The following IPP variants were observed in gnomAD, a reference collection of about 807,000 sequenced individuals.
The protein encoded by IPP is actin-binding protein IPP.
In IPP, 41 loss-of-function variants were observed where a neutral mutation model predicts 64.1. The observed-to-expected ratio is 0.64, with a 90% CI of 0.50 to 0.83. The LOEUF is 0.83. Among genes scored for constraint, IPP ranks in the 40% least tolerant of loss-of-function variants. The probability of loss-of-function intolerance (pLI) is 0.00; values close to 1 mark genes in which losing one functional copy is unlikely to be tolerated. For missense variants in IPP, 649 were observed against 703.0 expected (o/e 0.92, Z 0.87); for synonymous variants, 214 against 235.2 (o/e 0.91, Z 0.83).
At chr1:45,729,209 T>A (rs1645873434) in intron 4 of IPP, among the ~76,000 whole-genome samples, 1 of 151,946 alleles carries the variant, frequency 6.6e-6, no homozygotes, top group Non-Finnish European at 1.5e-5. Context: ...TCATCTTTTA[T>A]AACCACACTT....
At chr1:45,741,975 A>G (rs1646073109) in intron 2 of IPP, among the ~76,000 whole-genome samples, 1 of 152,216 alleles carries the variant, frequency 6.6e-6, no homozygotes, top group South Asian at 2.1e-4. Flanking sequence ...TCACTTGTCC[A>G]CAAGTTGCAT....
At chr1:45,698,522 A>G (rs78268553), downstream of IPP, among the ~76,000 whole-genome samples, 456 of 152,200 alleles carry the variant, frequency 3.0e-3, 3 homozygotes, top group East Asian at 0.022. Context: ...GTCAGTATCT[A>G]TAAAAAGTTT....
At chr1:45,731,866 G>A (rs527374802) in intron 3 of IPP, among the ~76,000 whole-genome samples, 6 of 151,570 alleles carry the variant, frequency 4.0e-5, no homozygotes, top group African/African-American at 1.5e-4. Flanking sequence ...AACCCGGGAG[G>A]CAAAGGTTGC....
At chr1:45,736,467 C>A (rs1402569303) in intron 3 of IPP, among the ~76,000 whole-genome samples, 1 of 151,892 alleles carries the variant, frequency 6.6e-6, no homozygotes, top group Non-Finnish European at 1.5e-5. Context: ...TATAACTTAA[C>A]CATTTAAGAT....
chr1:45,736,074 G>A (rs1645977277), intron 3 of IPP, among the ~76,000 whole-genome samples: 1 of 150,480 alleles, frequency 6.6e-6, no homozygotes, highest in Non-Finnish European at 1.5e-5. Flanking sequence ...TCACACCACT[G>A]CGTTCTAGCT....
downstream of IPP, chr1:45,698,604 C>T: frequency 2.4e-6 from 2 of 834,026 alleles, no homozygotes; most frequent in Non-Finnish European, 2.9e-6. Flanking sequence ...TAGGTTTGCC[C>T]AAGTACAAAT....
chr1:45,731,954 A>C (rs79709409), intron 3 of IPP, among the ~76,000 whole-genome samples: 1 of 151,952 alleles, frequency 6.6e-6, no homozygotes, highest in African/African-American at 2.4e-5. Flanking sequence ...AAAGAAAAAA[A>C]GTACATCCCA....
At chr1:45,750,489 C>G (rs1396802285) in intron 1 of IPP, 108 bp downstream of exon 1, 1 of 152,464 alleles carries the variant, frequency 6.6e-6, no homozygotes, top group Non-Finnish European at 1.5e-5. Context: ...ATACACAGTT[C>G]TAGAGGCTTC....
intron 1 of IPP, among the ~76,000 whole-genome samples, chr1:45,749,649 C>T (rs897383418): frequency 1.3e-5 from 2 of 151,060 alleles, no homozygotes; most frequent in Non-Finnish European, 3.0e-5. Flanking sequence ...GCCTCCCGAG[C>T]AGCTGGGACT....
At chr1:45,717,431 T>C (rs564016144) in intron 6 of IPP, among the ~76,000 whole-genome samples, 1 of 152,292 alleles carries the variant, frequency 6.6e-6, no homozygotes, top group East Asian at 1.9e-4. Context: ...AATCAGAGTA[T>C]ACCGTGTATT....
chr1:45,699,603 T>A lies in IPP; in HGVS notation c.*363A>T. 1 of 997,516 alleles carries A rather than the reference T, an allele frequency of 1.0e-6. No individual in the cohort carries two copies. Among genetic ancestry groups the A allele is most frequent in the Non-Finnish European group, 1.2e-6 (1 of 835,732 alleles). The allele number at this position is 997,516 out of a possible 1,614,324, so 61.8% of individuals were successfully genotyped here. A position where few individuals can be genotyped will look rare whatever the true frequency, so the allele number is the denominator to read the frequency against. ...CTGGCAAATCTGTGTGAGCTCTTTA[T>A]TAATTGGGATATATTCCATATCCAT... On this transcript the variant is annotated 3_prime_UTR_variant, in exon 9 of 9. Transcript: ENST00000396478.
chr1:45,696,546 C>CA (rs1404129523), downstream of IPP, among the ~76,000 whole-genome samples: 6 of 152,128 alleles, frequency 3.9e-5, no homozygotes, highest in Non-Finnish European at 8.8e-5. Flanking sequence ...TTTGGGAGGC[C>CA]AAGGCAGGCA....
At chr1:45,715,724 G>A (rs1345632938) in intron 7 of IPP, among the ~76,000 whole-genome samples, 2 of 151,948 alleles carry the variant, frequency 1.3e-5, no homozygotes, top group East Asian at 1.9e-4. Context: ...CCAGCTATGA[G>A]AAAAGATAAC....
At chr1:45,730,117 T>A (rs1451051576) in intron 3 of IPP, among the ~76,000 whole-genome samples, 5 of 152,104 alleles carry the variant, frequency 3.3e-5, no homozygotes, top group Admixed American at 3.3e-4. Context: ...GGGGGCCAAG[T>A]CAGGTGGATT....
At chr1:45,717,057 G>T in intron 6 of IPP, 40 bp from the exon 7 acceptor site, 2 of 1,597,922 alleles carry the variant, frequency 1.3e-6, no homozygotes, top group Non-Finnish European at 1.7e-6. Flanking sequence ...CGGGATAAAA[G>T]ATTCTTATTT....
intron 5 of IPP, among the ~76,000 whole-genome samples, chr1:45,724,006 C>T (rs1280927329): frequency 6.7e-6 from 1 of 150,006 alleles, no homozygotes; most frequent in East Asian, 2.0e-4. Flanking sequence ...CCACGGTCTC[C>T]TTCCACGGTC....
chr1:45,724,283 G>T (rs1013698717), intron 5 of IPP, among the ~76,000 whole-genome samples: 3 of 152,160 alleles, frequency 2.0e-5, no homozygotes, highest in African/African-American at 7.2e-5. Flanking sequence ...TTCACTCAGT[G>T]CTCAATGGTG....
chr1:45,738,854 A>ACAAAAAAAACAAAC (rs1443333245), intron 3 of IPP, among the ~76,000 whole-genome samples: 1 of 107,436 alleles, frequency 9.3e-6, no homozygotes, highest in African/African-American at 3.2e-5. Flanking sequence ...AAAAAAAAAA[A>ACAAAAAAAACAAAC]AAAAAAAAAA....
intron 8 of IPP, among the ~76,000 whole-genome samples, chr1:45,708,071 T>C (rs1645533894): frequency 6.9e-6 from 1 of 145,140 alleles, no homozygotes; most frequent in Non-Finnish European, 1.5e-5. Context: ...TTATTTTTAC[T>C]TTTTTTTTTT....
Sources: gnomAD v4.1 joint callset for allele counts (sites outside exome capture counted in the v4.1 genomes callset) on GRCh38, gnomAD v4.1.1 for gene constraint, MANE v1.5 for transcripts, NCBI Gene and HGNC (gene_info 2026-07-23, HGNC 2026-07-21) for gene names.